FRMD5: variants seen among roughly 807,000 people sequenced by gnomAD.
The protein encoded by FRMD5 is FERM domain containing 5.
Under a neutral mutation model 69.0 loss-of-function variants are expected in FRMD5, and 20 were observed. The ratio of observed to expected loss-of-function variants is 0.29; its 90% CI spans 0.20 to 0.42. The LOEUF is 0.42. FRMD5 is among the 10% of genes least tolerant of loss of function. The pLI, the probability that FRMD5 is intolerant of heterozygous loss-of-function variation, is 1.00. For synonymous variants in FRMD5, 271 were observed against 260.1 expected, an observed-to-expected ratio of 1.04 and a Z score of -0.40; for missense variants, 595 against 708.6, an observed-to-expected ratio of 0.84 and a Z score of 1.82.
At chr15:43,996,053 T>C (rs1226590596) in intron 1 of FRMD5, among the ~76,000 whole-genome samples, 1 of 152,072 alleles carries the variant, frequency 6.6e-6, no homozygotes, top group Non-Finnish European at 1.5e-5. Flanking sequence ...GCTTGGTGCC[T>C]GAGGCCTAGG....
chr15:44,134,245 A>T (rs577866706), intron 1 of FRMD5, among the ~76,000 whole-genome samples: 1 of 152,094 alleles, frequency 6.6e-6, no homozygotes, highest in East Asian at 1.9e-4. Flanking sequence ...GAACAGCTAG[A>T]ACTACAGGTG....
chr15:44,124,905 C>T (rs1437210345), intron 1 of FRMD5, among the ~76,000 whole-genome samples: 1 of 152,084 alleles, frequency 6.6e-6, no homozygotes, highest in Non-Finnish European at 1.5e-5. Context: ...GGGAAGATCG[C>T]TTGAGCCCAG....
At chr15:43,953,136 A>G (rs2090062550) in intron 1 of FRMD5, among the ~76,000 whole-genome samples, 1 of 152,230 alleles carries the variant, frequency 6.6e-6, no homozygotes, top group Non-Finnish European at 1.5e-5. Flanking sequence ...ATCCAAGAGC[A>G]CAGCACAGGG....
intron 4 of FRMD5, among the ~76,000 whole-genome samples, chr15:43,911,565 A>T (rs964127128): frequency 6.6e-6 from 1 of 152,172 alleles, no homozygotes; most frequent in Non-Finnish European, 1.5e-5. Context: ...CCTGACTGCA[A>T]CCTCGTGATT....
chr15:44,186,181 C>T (rs534635138), intron 1 of FRMD5, among the ~76,000 whole-genome samples: 1 of 152,188 alleles, frequency 6.6e-6, no homozygotes, highest in East Asian at 1.9e-4. Flanking sequence ...CCCACCTCGG[C>T]CTCCCAAAGT....
intron 1 of FRMD5, among the ~76,000 whole-genome samples, chr15:44,015,492 AAT>A (rs753166097): frequency 2.6e-5 from 4 of 152,204 alleles, no homozygotes; most frequent in African/African-American, 4.8e-5. Flanking sequence ...AAGAATATAA[AAT>A]ATATCTTCTT....
At chr15:44,040,248 A>T (rs1375115921) in intron 1 of FRMD5, among the ~76,000 whole-genome samples, 1 of 152,192 alleles carries the variant, frequency 6.6e-6, no homozygotes, top group East Asian at 1.9e-4. Flanking sequence ...ACTTCAGGAT[A>T]TTATTCAGAA....
At chr15:43,990,811 A>G (rs1180049718) in intron 1 of FRMD5, among the ~76,000 whole-genome samples, 2 of 152,246 alleles carry the variant, frequency 1.3e-5, no homozygotes, top group African/African-American at 4.8e-5. Flanking sequence ...GATTTTAGCC[A>G]CTGAAAAGAC....
chr15:44,191,896 T>C (rs1161703325), intron 1 of FRMD5, among the ~76,000 whole-genome samples: 3 of 196 alleles, frequency 0.015, no homozygotes, highest in Admixed American at 0.1. Context: ...GTGGTAAATA[T>C]ATATATATAT....
chr15:44,111,989 G>A (rs1215142267), intron 1 of FRMD5, among the ~76,000 whole-genome samples: 2 of 151,878 alleles, frequency 1.3e-5, no homozygotes, highest in Admixed American at 1.3e-4. Flanking sequence ...GACTACAGGT[G>A]CCCGCCACCA....
At chr15:43,905,362 C>T (rs2089145910) in intron 6 of FRMD5, among the ~76,000 whole-genome samples, 2 of 152,050 alleles carry the variant, frequency 1.3e-5, no homozygotes, top group Non-Finnish European at 2.9e-5. Flanking sequence ...GTCTTGAACT[C>T]CTGGCCTCAC....
intron 1 of FRMD5, among the ~76,000 whole-genome samples, chr15:44,028,652 A>AG (rs999640803): frequency 3.9e-5 from 6 of 152,192 alleles, no homozygotes; most frequent in African/African-American, 7.2e-5. Flanking sequence ...CCAGAGGCTC[A>AG]GGGGGGTGCA....
At chr15:44,088,153 G>C (rs1894282441) in intron 1 of FRMD5, among the ~76,000 whole-genome samples, 1 of 152,080 alleles carries the variant, frequency 6.6e-6, no homozygotes, top group Admixed American at 6.6e-5. Flanking sequence ...CATTTTTATT[G>C]AGATATAATT....
At chr15:44,034,372 T>C (rs17504748) in intron 1 of FRMD5, among the ~76,000 whole-genome samples, 2,204 of 152,338 alleles carry the variant, frequency 0.014, 31 homozygotes, top group Non-Finnish European at 0.023. Flanking sequence ...CCTACTTATA[T>C]GGTCTGTTAC....
chr15:44,007,094 G>C (rs1385153411), intron 1 of FRMD5, among the ~76,000 whole-genome samples: 1 of 152,122 alleles, frequency 6.6e-6, no homozygotes, highest in Non-Finnish European at 1.5e-5. Context: ...TGACCAGTCA[G>C]CAGCTGTCAA....
chr15:43,964,813 G>T (rs2090266173), intron 1 of FRMD5, among the ~76,000 whole-genome samples: 1 of 152,168 alleles, frequency 6.6e-6, no homozygotes, highest in Non-Finnish European at 1.5e-5. Flanking sequence ...TTTGGGTCTT[G>T]TCTAGAAGAG....
intron 1 of FRMD5, among the ~76,000 whole-genome samples, chr15:44,050,656 C>CTTTTTTTTTTTTTTTTTTT (rs34621458): frequency 7.0e-6 from 1 of 142,462 alleles, no homozygotes. Context: ...GCACACTGGC[C>CTTTTTTTTTTTTTTTTTTT]TTTTTTTTTT....
At chr15:43,908,706 G>A (rs1389850193) in intron 5 of FRMD5, among the ~76,000 whole-genome samples, 1 of 152,152 alleles carries the variant, frequency 6.6e-6, no homozygotes, top group Non-Finnish European at 1.5e-5. Context: ...TCAGGAGAAG[G>A]GGACGTGTGT....
chr15:43,892,106 G>C (rs1372099486), intron 7 of FRMD5, 37 bp from the exon 8 acceptor site: 1 of 1,577,930 alleles, frequency 6.3e-7, no homozygotes, highest in Admixed American at 1.7e-5. Flanking sequence ...GGTGATGCAG[G>C]CACAGAGGTG....
Sources: allele counts gnomAD v4.1 joint callset (sites outside exome capture counted in the v4.1 genomes callset), GRCh38; gene constraint gnomAD v4.1.1; transcripts MANE v1.5; gene names NCBI Gene and HGNC (gene_info 2026-07-23, HGNC 2026-07-21).